Variants in BOD1 observed in about 807,000 individuals in gnomAD.
The protein encoded by BOD1 is biorientation of chromosomes in cell division 1, also known as biorientation of chromosomes in cell division protein 1.
In BOD1, 11 loss-of-function variants were observed where a neutral mutation model predicts 15.7. The observed-to-expected ratio is 0.70, with a 90% CI of 0.44 to 1.16. The LOEUF (loss-of-function observed/expected upper bound fraction) is 1.16. Among genes scored for constraint, BOD1 ranks in the 50% most tolerant of loss-of-function variants. BOD1 has a pLI of 0.00. For synonymous variants in BOD1, 105 were observed against 103.5 expected (o/e 1.01, Z -0.09); for missense variants, 182 against 244.5 (o/e 0.74, Z 1.70).
chr5:173,616,346 C>T lies in BOD1; in HGVS notation c.91G>A (p.Gly31Arg). 6.5e-7 allele frequency: 1 copy of T among 1,527,360 alleles called. No homozygotes were observed. Among genetic ancestry groups the T allele is most frequent in the South Asian group, 1.2e-5 (1 of 83,316 alleles). 94.6% of individuals were successfully genotyped at this position (1,527,360 alleles called of 1,614,324 possible). The change falls in exon 1 of 4, where the codon GGG becomes AGG. Residue 31 changes from glycine to arginine, a missense_variant. Transcript: ENST00000311086. ...ATGGGGCCACCGCCCCCGCTGGCCC[C>T]AGTAGCGCCAGTCGCTGCCCCGGCA... Reference protein sequence around the residue: ...ASAGAATGATGASGGGGPINP... With the variant: ...ASAGAATGATRASGGGGPINP...
chr5:173,616,153 G>A (rs1755490285), intron 1 of BOD1, 47 bp downstream of exon 1: 1 of 1,549,364 alleles, frequency 6.5e-7, no homozygotes, highest in East Asian at 2.4e-5. Flanking sequence ...CCACCCGGCG[G>A]CCTCACGTGC....
In BOD1 at chr5:173,609,417, GC is replaced by G; in HGVS notation, c.379del (p.Ala127LeufsTer3). 1 of 1,614,206 alleles carries G rather than the reference GC, an allele frequency of 6.2e-7. No individual in the cohort carries two copies. The highest frequency in any genetic ancestry group is 1.7e-5 in the Admixed American group (1 of 60,028). On this transcript the variant is annotated frameshift_variant, in exon 3 of 4. Transcript: ENST00000311086. LOFTEE classifies it high-confidence loss of function. The part of the protein sequence containing the change: ...QSVVQSGMLE[A>X]GVDRIISQVV... ...CTGAGAAATAATCCTGTCTACTCCAGCTTCCAACATCCCTGACCTTGTGGAG... is the reference window on the plus strand; with the variant it reads ...CTGAGAAATAATCCTGTCTACTCCAGTTCCAACATCCCTGACCTTGTGGAG...
Position 173,607,257 on chromosome 5 carries a change from C to T in BOD1, c.*1037G>A, listed in dbSNP as rs1755224884. Among the ~76,000 whole-genome samples, 1 of 152,198 alleles carries T rather than the reference C, an allele frequency of 6.6e-6. No homozygotes were observed. The highest frequency in any genetic ancestry group is 6.5e-5 in the Admixed American group (1 of 15,294). On this transcript the variant is annotated 3_prime_UTR_variant, in exon 4 of 4. Coordinates refer to ENST00000311086, the MANE Select transcript of BOD1 (RefSeq NM_138369.3). ...TCTTAATCAGAAATATGCATTTTCC[C>T]TTAAATCCCCAGGTGCTACTTCTGC...
rs374801586 is a variant in BOD1 at position 173,608,950 on chromosome 5, T to A, written c.*1+288A>T. On this transcript the variant is annotated intron_variant, in intron 3 of 3. Coordinates refer to ENST00000311086, the MANE Select transcript of BOD1 (RefSeq NM_138369.3). ...TTTAAACATTTCAGCAAAATAAGAC[T>A]TTCATTTGAATCCCCTTTATGCACA... is the stretch of plus-strand genomic sequence containing the variant. Among the ~76,000 whole-genome samples, 8 of 152,338 alleles carry A rather than the reference T, an allele frequency of 5.3e-5. No individual in the cohort carries two copies. In the East Asian group the frequency reaches 1.2e-3, roughly 22 times the overall value.
intron 1 of BOD1, among the ~76,000 whole-genome samples, chr5:173,615,280 T>C (rs1226797145): frequency 1.3e-5 from 2 of 152,240 alleles, no homozygotes; most frequent in East Asian, 3.8e-4. Context: ...TAGTGACTTA[T>C]TCCTGTAATC....
At chr5:173,608,333 A>G (rs370605172) in intron 3 of BOD1, 41 bp from the exon 4 acceptor site, 4 of 1,279,880 alleles carry the variant, frequency 3.1e-6, no homozygotes, top group Non-Finnish European at 4.4e-6. Context: ...TTATTTATTG[A>G]TAACAGACTA....
rs1387977163 is a variant in BOD1, at chr5:173,607,720, T to G, written c.*574A>C. 1 of 153,216 alleles carries G rather than the reference T, an allele frequency of 6.5e-6. No homozygotes were observed. Among genetic ancestry groups the G allele is most frequent in the African/African-American group, 2.4e-5 (1 of 41,438 alleles). The allele number at this position is 153,216 out of a possible 1,614,324, so 9.5% of individuals were successfully genotyped here. On this transcript the variant is annotated 3_prime_UTR_variant, in exon 4 of 4. Coordinates refer to ENST00000311086, the MANE Select transcript of BOD1 (RefSeq NM_138369.3). ...CTGAACTTCTCATACATTCTAGGATTTCATGTTTCGTTACAAAGGAAAGGA... is the reference window on the plus strand; with the variant it reads ...CTGAACTTCTCATACATTCTAGGATGTCATGTTTCGTTACAAAGGAAAGGA...
rs866820747 is a variant in BOD1, at chr5:173,616,214, C to A, written c.223G>T (p.Asp75Tyr). 6.3e-7 allele frequency: 1 copy of A among 1,579,016 alleles called. No homozygotes were observed. The stretch of plus-strand genomic sequence containing the variant: ...GCCGCAGCTACCTTGGTGTCCACGT[C>A]GGCCAGGCAGTCCCGGCGGAAGCTG... ...FDSFRRDCLADVDTKPAYQNL... is the reference protein window; with the variant it reads ...FDSFRRDCLAYVDTKPAYQNL... Residue 75 changes from aspartate (D) to tyrosine (Y), a missense_variant, in exon 1 of 4, where the codon GAC (aspartate) becomes TAC (tyrosine). Physicochemically the swap from Asp to Tyr is radical, Grantham distance 160. This residue lies in a region of BOD1 where 70 missense variants were observed against 130.3 expected (regional missense o/e 0.54). Coordinates refer to ENST00000311086, the MANE Select transcript of BOD1 (RefSeq NM_138369.3).
intron 3 of BOD1, 36 bp from the exon 4 acceptor site, chr5:173,608,328 T>A: frequency 1.4e-6 from 2 of 1,474,300 alleles, no homozygotes; most frequent in Admixed American, 1.7e-5. Flanking sequence ...AAATGTTATT[T>A]ATTGATAACA....
intron 2 of BOD1, among the ~76,000 whole-genome samples, chr5:173,610,045 G>A (rs1755307677): frequency 6.6e-6 from 1 of 152,188 alleles, no homozygotes; most frequent in Non-Finnish European, 1.5e-5. Context: ...CTCCTAGAGG[G>A]CTAAATTACA....
Position 173,609,367 on chromosome 5 carries a change from T to G in BOD1, c.430A>C (p.Ile144Leu). ...GCTCGTTCTATTTGTGGCCTGAAGA[T>G]GTGGTTAAGTTTTGGATCCACCACC... The part of the protein sequence containing the change: ...SQVVDPKLNH[I>L]FRPQIERAIH... The change falls in exon 3 of 4, where the codon ATC becomes CTC. Residue 144 changes from isoleucine to leucine, a missense_variant. Physicochemically the swap from Ile to Leu is conservative, Grantham distance 5. Transcript: ENST00000311086. 6.2e-7 allele frequency: 1 copy of G among 1,614,272 alleles called. No homozygotes were observed. Among genetic ancestry groups the G allele is most frequent in the Non-Finnish European group, 8.5e-7 (1 of 1,180,048 alleles).
intron 1 of BOD1, among the ~76,000 whole-genome samples, chr5:173,615,841 G>C (rs1212754527): frequency 6.6e-6 from 1 of 152,146 alleles, no homozygotes; most frequent in Admixed American, 6.5e-5. Context: ...TGGTGAGTAC[G>C]GAACAGGTGG....
At chr5:173,610,309 G>A (rs1218392399) in intron 2 of BOD1, among the ~76,000 whole-genome samples, 4 of 152,282 alleles carry the variant, frequency 2.6e-5, no homozygotes, top group African/African-American at 9.6e-5. Flanking sequence ...TTAAGCCTTC[G>A]GGTAAAAATA....
chr5:173,610,473 A>G (rs1416667222), intron 2 of BOD1, among the ~76,000 whole-genome samples: 1 of 152,232 alleles, frequency 6.6e-6, no homozygotes, highest in Non-Finnish European at 1.5e-5. Flanking sequence ...GGTAACTAAC[A>G]GCTTATCGAC....
Position 173,616,362 on chromosome 5 carries a change from T to C in BOD1, c.75A>G (p.Ala25=). The part of the protein sequence containing the change: ...GGGTSQASAG[A]ATGATGASGG... Reference sequence around the variant, plus strand: ...CGCTGGCCCCAGTAGCGCCAGTCGCTGCCCCGGCAGAGGCCTGGCTAGTTC... The same window carrying C: ...CGCTGGCCCCAGTAGCGCCAGTCGCCGCCCCGGCAGAGGCCTGGCTAGTTC... Residue 25 remains alanine (A), a synonymous_variant, in exon 1 of 4, where the codon GCA becomes GCG. Transcript: ENST00000311086. 6.5e-7 allele frequency: 1 copy of C among 1,528,048 alleles called. No individual in the cohort carries two copies. Among genetic ancestry groups the C allele is most frequent in the Non-Finnish European group, 8.7e-7 (1 of 1,144,078 alleles). The allele number at this position is 1,528,048 out of a possible 1,614,324, so 94.7% of individuals were successfully genotyped here. A position where few individuals can be genotyped will look rare whatever the true frequency, so the allele number is the denominator to read the frequency against.
Position 173,616,590 on chromosome 5 carries a change from G to A in BOD1, c.-154C>T, listed in dbSNP as rs1755515194. 8.8e-6 allele frequency: 12 copies of A among 1,356,776 alleles called. No individual in the cohort carries two copies. The East Asian group carries it at 2.8e-4, about 32-fold the overall frequency. The allele number at this position is 1,356,776 out of a possible 1,614,324, so 84.0% of individuals were successfully genotyped here. A position where few individuals can be genotyped will look rare whatever the true frequency, so the allele number is the denominator to read the frequency against. On this transcript the variant is annotated 5_prime_UTR_variant, in exon 1 of 4. Transcript: ENST00000311086. ...GCGATGGCGGCAGGGGCGGTGGTGG[G>A]GGCGGCGGCGGCGAAGGCCCCCTCT... is the stretch of plus-strand genomic sequence containing the variant.
chr5:173,611,134 C>T (rs1365189289), intron 2 of BOD1, among the ~76,000 whole-genome samples: 20 of 152,230 alleles, frequency 1.3e-4, no homozygotes. Context: ...GTGCAGCTCA[C>T]TTTCCTGGAG....
At position 173,607,585 on chromosome 5, in the gene BOD1, A is replaced by T. The variant is rs1755233921; in HGVS notation, c.*709T>A. The stretch of plus-strand genomic sequence containing the variant: ...TTATTGACCATTCACTTTTCTAAAA[A>T]AACACAAATGTGAGAATAAAATAAA... On this transcript the variant is annotated 3_prime_UTR_variant, in exon 4 of 4. Coordinates refer to ENST00000311086, the MANE Select transcript of BOD1 (RefSeq NM_138369.3). 1 of 152,332 alleles carries T rather than the reference A, an allele frequency of 6.6e-6. No homozygotes were observed. Among genetic ancestry groups the T allele is most frequent in the Non-Finnish European group, 1.5e-5 (1 of 68,042 alleles). The allele number at this position is 152,332 out of a possible 1,614,324, so 9.4% of individuals were successfully genotyped here.
chr5:173,611,113 C>G (rs258864), intron 2 of BOD1, among the ~76,000 whole-genome samples: 73,453 of 152,032 alleles, frequency 0.48, 19,265 homozygotes, highest in East Asian at 0.8. Flanking sequence ...GGGAAACAAA[C>G]TACCAAGGGA....
Sources: gnomAD v4.1 joint callset for allele counts (sites outside exome capture counted in the v4.1 genomes callset) on GRCh38, gnomAD v4.1.1 for gene constraint, gnomAD v4.1.1 regional missense constraint, MANE v1.5 for transcripts, NCBI Gene and HGNC (gene_info 2026-07-23, HGNC 2026-07-21) for gene names.